Variants in TMEM164 observed in about 807,000 individuals in gnomAD.
The protein encoded by TMEM164 is transmembrane protein 164.
In TMEM164, 4 loss-of-function variants were observed where a neutral mutation model predicts 18.8. The ratio of observed to expected loss-of-function variants is 0.21; its 90% CI spans 0.10 to 0.49. The LOEUF is 0.49. TMEM164 is among the 20% of genes least tolerant of loss of function. TMEM164 has a pLI of 0.98. For synonymous variants in TMEM164, 86 were observed against 101.7 expected (o/e 0.85, Z 0.93); for missense variants, 108 against 239.9 (o/e 0.45, Z 3.63).
At chrX:110,038,271 G>A (rs1031297460) in intron 2 of TMEM164, among the ~76,000 whole-genome samples, 3 of 111,100 alleles carry the variant, frequency 2.7e-5, no homozygotes, top group African/African-American at 9.9e-5. Flanking sequence ...GATTACAGGC[G>A]TGAGCCACCG....
At chrX:110,130,062 CTGAA>C (rs1428615638) in intron 4 of TMEM164, among the ~76,000 whole-genome samples, 1 of 112,374 alleles carries the variant, frequency 8.9e-6, no homozygotes, top group Non-Finnish European at 1.9e-5. Context: ...TCAATAAATA[CTGAA>C]TGAATGAGTA....
At chrX:110,088,515 G>T (rs1349331559) in intron 3 of TMEM164, among the ~76,000 whole-genome samples, 1 of 111,999 alleles carries the variant, frequency 8.9e-6, no homozygotes, top group Non-Finnish European at 1.9e-5. Flanking sequence ...GATTTAAAGG[G>T]GAAAGAGGAA....
At chrX:110,080,857 C>T (rs957374721) in intron 3 of TMEM164, among the ~76,000 whole-genome samples, 66 of 109,136 alleles carry the variant, frequency 6.0e-4, no homozygotes, top group African/African-American at 2.2e-3. Context: ...TAGCTGGGAC[C>T]ACAGGTGTGC....
rs146633298 is a variant in TMEM164, at chrX:110,170,009, T to A, written c.587-1411T>A. Among the ~76,000 whole-genome samples the A allele has an allele frequency of 2.7e-3, 300 of 111,795 alleles. 1 individual carries two copies. The highest frequency in any genetic ancestry group is 9.2e-3 in the Middle Eastern group (2 of 217). On this transcript the variant is annotated intron_variant, in intron 5 of 6. Transcript: ENST00000372068. ...AAAGCCCTCAGCATGGCTTCTAGTG[T>A]CCTATGTGTCGCAGCCTGGAGCAGA...
intron 3 of TMEM164, among the ~76,000 whole-genome samples, chrX:110,104,179 A>G (rs1203192115): frequency 2.7e-5 from 3 of 112,109 alleles, no homozygotes; most frequent in African/African-American, 6.5e-5. Context: ...ACATTGTGCC[A>G]TCGTAATTGA....
chrX:110,133,918 G>A (rs370451777), intron 4 of TMEM164, among the ~76,000 whole-genome samples: 15 of 111,844 alleles, frequency 1.3e-4, no homozygotes, highest in East Asian at 5.6e-4. Flanking sequence ...GAGGAGGAGA[G>A]TGAGGAGGTT....
intron 4 of TMEM164, among the ~76,000 whole-genome samples, chrX:110,117,423 A>G (rs2066385977): frequency 8.9e-6 from 1 of 112,493 alleles, no homozygotes; most frequent in Admixed American, 9.4e-5. Flanking sequence ...TCATGACTAC[A>G]GTAGCAATAA....
Position 110,011,908 on chromosome X carries a change from T to C in TMEM164, c.390+7744T>C, listed in dbSNP as rs770352027. ...TTTGCTTATTATTATCAGGGGTAGA[T>C]GTCTTACTTCTCCCTTGGCCAACTA... On this transcript the variant is annotated intron_variant, in intron 2 of 6. Coordinates refer to ENST00000372068, the MANE Select transcript of TMEM164 (RefSeq NM_032227.4). Among the ~76,000 whole-genome samples the C allele has an allele frequency of 8.0e-5, 9 of 112,220 alleles. No individual in the cohort carries two copies. In the East Asian group the frequency reaches 2.5e-3, roughly 32 times the overall value.
rs187102044 is a variant in TMEM164, at chrX:110,045,590, C to A, written c.391-21757C>A. Reference sequence around the variant, plus strand: ...GCTTAGGTTGATTGGACTGAGTGGCCACCTGTCACCAAGACAGCCCATCTG... The same window carrying A: ...GCTTAGGTTGATTGGACTGAGTGGCAACCTGTCACCAAGACAGCCCATCTG... On this transcript the variant is annotated intron_variant, in intron 2 of 6. Coordinates refer to ENST00000372068, the MANE Select transcript of TMEM164 (RefSeq NM_032227.4). 5.4e-5 allele frequency among the ~76,000 whole-genome samples: 6 copies of A among 111,860 alleles called. No homozygotes were observed. The East Asian group carries it at 1.7e-3, about 31-fold the overall frequency.
chrX:110,008,712 C>A (rs983227165), intron 2 of TMEM164, among the ~76,000 whole-genome samples: 2 of 111,529 alleles, frequency 1.8e-5, no homozygotes, highest in Non-Finnish European at 3.8e-5. Context: ...GCTAGTTTTG[C>A]TCATGGCTTG....
At chrX:110,020,535 A>G in intron 2 of TMEM164, 1 of 754,532 alleles carries the variant, frequency 1.3e-6, no homozygotes, top group South Asian at 6.7e-5. Context: ...GAGCAGAAAG[A>G]AGACTCTGAC....
intron 3 of TMEM164, chrX:110,082,276 C>G (rs185588448): frequency 9.7e-5 from 11 of 113,794 alleles, no homozygotes; most frequent in Non-Finnish European, 1.7e-4. Flanking sequence ...CTCTGAAGGC[C>G]TCTTATCCTT....
At chrX:110,011,324 CT>C (rs963062142) in intron 2 of TMEM164, among the ~76,000 whole-genome samples, 102 of 110,263 alleles carry the variant, frequency 9.3e-4, no homozygotes, top group African/African-American at 3.1e-3. Context: ...GGACAGGGGT[CT>C]TTTTTTTTCC....
intron 3 of TMEM164, among the ~76,000 whole-genome samples, chrX:110,090,115 T>G (rs2065903514): frequency 1.8e-5 from 2 of 110,721 alleles, no homozygotes; most frequent in South Asian, 7.8e-4. Context: ...CTTCCTGAAT[T>G]TCACAGGGAA....
chrX:110,120,661 T>A (rs1177313368), intron 4 of TMEM164, among the ~76,000 whole-genome samples: 1 of 111,736 alleles, frequency 8.9e-6, no homozygotes, highest in Non-Finnish European at 1.9e-5. Flanking sequence ...TATTGTTAAC[T>A]ATAGCCACCC....
chrX:110,095,262 G>C (rs1602613397), intron 3 of TMEM164, among the ~76,000 whole-genome samples: 1 of 111,994 alleles, frequency 8.9e-6, no homozygotes, highest in African/African-American at 3.2e-5. Flanking sequence ...TGGATAATAT[G>C]CTGCAGAGTG....
At chrX:110,084,413 G>GTATAGTATATATATATAGTATA (rs1569321001) in intron 3 of TMEM164, among the ~76,000 whole-genome samples, 1 of 8,768 alleles carries the variant, frequency 1.1e-4, no homozygotes, top group Non-Finnish European at 2.7e-4. Flanking sequence ...TATATATAGT[G>GTATAGTATATATATATAGTATA]TATATATATA....
intron 3 of TMEM164, among the ~76,000 whole-genome samples, chrX:110,108,402 C>T (rs1163759180): frequency 1.8e-5 from 2 of 111,116 alleles, no homozygotes. Flanking sequence ...ACAAGTCTGG[C>T]ATTGGGATTG....
intron 3 of TMEM164, among the ~76,000 whole-genome samples, chrX:110,077,126 T>C (rs1466652337): frequency 2.7e-5 from 3 of 112,456 alleles, no homozygotes; most frequent in Non-Finnish European, 5.6e-5. Context: ...GTTTTATGAA[T>C]TTGGGTGCTC....
Sources: allele counts gnomAD v4.1 joint callset (sites outside exome capture counted in the v4.1 genomes callset), GRCh38; gene constraint gnomAD v4.1.1; transcripts MANE v1.5; gene names NCBI Gene and HGNC (gene_info 2026-07-23, HGNC 2026-07-21).